NELL2: variants seen among roughly 807,000 people sequenced by gnomAD.
NELL2 encodes protein kinase C-binding protein NELL2.
Under a neutral mutation model 109.6 loss-of-function variants are expected in NELL2, and 41 were observed. The ratio of observed to expected loss-of-function variants is 0.37; its 90% CI spans 0.29 to 0.49. The LOEUF (loss-of-function observed/expected upper bound fraction) is 0.49, where lower values mean the gene tolerates loss of function less well. NELL2 is among the 20% of genes least tolerant of loss of function. The pLI, the probability that NELL2 is intolerant of heterozygous loss-of-function variation, is 0.98. For synonymous variants in NELL2, 355 were observed against 344.7 expected (o/e 1.03, Z -0.33); for missense variants, 900 against 1,008.3 (o/e 0.89, Z 1.45).
intron 13 of NELL2, among the ~76,000 whole-genome samples, chr12:44,656,807 T>A (rs1947520266): frequency 6.6e-6 from 1 of 152,192 alleles, no homozygotes; most frequent in South Asian, 2.1e-4. Flanking sequence ...TCTGTTTTGT[T>A]CTGTACTTGT....
intron 13 of NELL2, among the ~76,000 whole-genome samples, chr12:44,612,139 A>G (rs1945644362): frequency 6.6e-6 from 1 of 152,048 alleles, no homozygotes; most frequent in Non-Finnish European, 1.5e-5. Flanking sequence ...TGTCTTTGGC[A>G]TAATAGATCT....
chr12:44,867,093 C>CA (rs1360219059), intron 2 of NELL2, among the ~76,000 whole-genome samples: 1 of 151,970 alleles, frequency 6.6e-6, no homozygotes, highest in East Asian at 1.9e-4. Flanking sequence ...CAAACTCTTC[C>CA]AAAAAAATGA....
At chr12:44,684,401 TTG>T (rs1159913940) in intron 12 of NELL2, among the ~76,000 whole-genome samples, 3 of 152,172 alleles carry the variant, frequency 2.0e-5, no homozygotes, top group African/African-American at 7.2e-5. Context: ...GAAGGGTTTT[TTG>T]TGTCTCTATT....
upstream of NELL2, among the ~76,000 whole-genome samples, chr12:44,880,496 CAT>C (rs1367217458): frequency 1.3e-5 from 2 of 151,884 alleles, no homozygotes; most frequent in East Asian, 3.9e-4. Context: ...GAATGGAAAA[CAT>C]AAACAAAACA....
At chr12:44,794,057 T>C (rs961460477) in intron 3 of NELL2, among the ~76,000 whole-genome samples, 1 of 152,190 alleles carries the variant, frequency 6.6e-6, no homozygotes, top group Non-Finnish European at 1.5e-5. Context: ...GCTCCCCCCG[T>C]TGTCCCCTTC....
chr12:44,903,810 T>C (rs1016056345), intron 1 of NELL2, among the ~76,000 whole-genome samples: 1 of 151,702 alleles, frequency 6.6e-6, no homozygotes, highest in African/African-American at 2.4e-5. Context: ...ACACTGCATG[T>C]TCTCACTCAT....
chr12:44,790,359 T>C (rs140193397), intron 3 of NELL2, among the ~76,000 whole-genome samples: 2,208 of 152,270 alleles, frequency 0.015, 52 homozygotes, highest in African/African-American at 0.05. Context: ...GCCAAGAATT[T>C]TGTATCTGGT....
At chr12:44,515,013 T>C (rs961616666) in intron 19 of NELL2, among the ~76,000 whole-genome samples, 9 of 151,120 alleles carry the variant, frequency 6.0e-5, no homozygotes, top group African/African-American at 1.5e-4. Flanking sequence ...TAAAATCCAA[T>C]AGAACAATTT....
intron 3 of NELL2, among the ~76,000 whole-genome samples, chr12:44,802,447 T>C (rs1942863849): frequency 6.6e-6 from 1 of 152,054 alleles, no homozygotes; most frequent in East Asian, 1.9e-4. Context: ...ATATATCATA[T>C]ATATACGCTG....
chr12:44,897,821 C>T (rs561352952), intron 1 of NELL2, among the ~76,000 whole-genome samples: 9 of 152,018 alleles, frequency 5.9e-5, no homozygotes, highest in Non-Finnish European at 1.3e-4. Context: ...TGGACTTGCT[C>T]AGTGGATCCC....
At chr12:44,525,891 T>C (rs888887475) in intron 16 of NELL2, among the ~76,000 whole-genome samples, 1 of 152,146 alleles carries the variant, frequency 6.6e-6, no homozygotes, top group Non-Finnish European at 1.5e-5. Context: ...ATACTATGAT[T>C]AATATTTTGC....
chr12:44,706,128 C>A (rs1327112018), intron 11 of NELL2, among the ~76,000 whole-genome samples: 1 of 152,230 alleles, frequency 6.6e-6, no homozygotes, highest in Non-Finnish European at 1.5e-5. Context: ...TGTGATCCAA[C>A]TTTCACTGTT....
chr12:44,595,661 T>C lies in NELL2; in HGVS notation c.1663+11508A>G, dbSNP rs1944933025. On this transcript the variant is annotated intron_variant, in intron 15 of 19. Coordinates refer to ENST00000429094, the MANE Select transcript of NELL2 (RefSeq NM_001145108.2). ...TTTCACCATGTTAGCCAGGATGGTC[T>C]CGATCTCCTGACCTCATGATCTGCC... Among the ~76,000 whole-genome samples the C allele has an allele frequency of 2.0e-5, 3 of 150,842 alleles. No homozygotes were observed. The South Asian group carries it at 6.3e-4, about 32-fold the overall frequency.
intron 2 of NELL2, among the ~76,000 whole-genome samples, chr12:44,860,031 A>T (rs1284636434): frequency 1.3e-5 from 2 of 152,200 alleles, no homozygotes; most frequent in Non-Finnish European, 2.9e-5. Context: ...ATCCAGATTA[A>T]CATTTTGAGG....
chr12:44,884,299 C>T (rs1254831599), intron 1 of NELL2, among the ~76,000 whole-genome samples: 1 of 151,750 alleles, frequency 6.6e-6, no homozygotes, highest in Non-Finnish European at 1.5e-5. Context: ...TATATATGCA[C>T]CTAACAGCAA....
At chr12:44,535,155 A>G (rs1766500683) in intron 15 of NELL2, among the ~76,000 whole-genome samples, 1 of 152,016 alleles carries the variant, frequency 6.6e-6, no homozygotes, top group African/African-American at 2.4e-5. Flanking sequence ...ATGTATTTTC[A>G]TATAAACTTT....
At chr12:44,772,739 G>A (rs764497399) in intron 9 of NELL2, among the ~76,000 whole-genome samples, 1 of 151,292 alleles carries the variant, frequency 6.6e-6, no homozygotes, top group Non-Finnish European at 1.5e-5. Context: ...AGATAAAGTC[G>A]CTTAATACTT....
chr12:44,912,332 G>A (rs1255346013), intron 1 of NELL2, among the ~76,000 whole-genome samples: 8 of 152,044 alleles, frequency 5.3e-5, no homozygotes, highest in Non-Finnish European at 1.2e-4. Context: ...TCTATGGGAT[G>A]TTGAAAGATT....
intron 12 of NELL2, among the ~76,000 whole-genome samples, chr12:44,672,308 A>AG (rs1488018068): frequency 6.6e-6 from 1 of 152,162 alleles, no homozygotes. Context: ...CTCCTGTCAG[A>AG]GCAGAGGTGG....
Sources: gnomAD v4.1 joint callset for allele counts (sites outside exome capture counted in the v4.1 genomes callset) on GRCh38, gnomAD v4.1.1 for gene constraint, MANE v1.5 for transcripts, NCBI Gene and HGNC (gene_info 2026-07-23, HGNC 2026-07-21) for gene names.